OR1J2: variants seen among roughly 807,000 people sequenced by gnomAD.
The protein encoded by OR1J2 is olfactory receptor family 1 subfamily J member 2, also known as olfactory receptor 1J2.
For missense variants in OR1J2, 304 were observed against 246.1 expected (o/e 1.24, Z -1.57); for synonymous variants, 142 against 99.7 (o/e 1.42, Z -2.52).
the OR1J2 span, among the ~76,000 whole-genome samples, chr9:122,452,424 C>T: frequency 5.3e-4 from 81 of 152,224 alleles, 2 homozygotes; most frequent in South Asian, 0.016. Context: ...CCATAGTGTT[C>T]CCATAAACAT....
chr9:122,458,645 G>A, the OR1J2 span, among the ~76,000 whole-genome samples: 1 of 152,174 alleles, frequency 6.6e-6, no homozygotes, highest in South Asian at 2.1e-4. Flanking sequence ...GAACAGCATG[G>A]GAAAGACTCC....
the OR1J2 span, among the ~76,000 whole-genome samples, chr9:122,517,848 C>G: frequency 1.2e-4 from 19 of 152,266 alleles, no homozygotes; most frequent in African/African-American, 4.6e-4. Context: ...CATTCGTTAG[C>G]TCTTTTTCCT....
chr9:122,539,773 C>T, the OR1J2 span, among the ~76,000 whole-genome samples: 10 of 152,246 alleles, frequency 6.6e-5, no homozygotes, highest in African/African-American at 2.4e-4. Context: ...CTCTCCAGCA[C>T]CTGTTGTTTC....
At chr9:122,537,041 A>G in the OR1J2 span, among the ~76,000 whole-genome samples, 2 of 152,192 alleles carry the variant, frequency 1.3e-5, no homozygotes, top group Non-Finnish European at 2.9e-5. Flanking sequence ...TCAGACACCA[A>G]GTTGTAGAAG....
the OR1J2 span, among the ~76,000 whole-genome samples, chr9:122,496,352 G>T: frequency 6.6e-6 from 1 of 152,116 alleles, no homozygotes; most frequent in Non-Finnish European, 1.5e-5. Flanking sequence ...ACCAGGTGGG[G>T]GCAGGATGGA....
chr9:122,539,347 G>A, the OR1J2 span, among the ~76,000 whole-genome samples: 3 of 151,834 alleles, frequency 2.0e-5, no homozygotes, highest in Non-Finnish European at 4.4e-5. Context: ...TCCCACCTAT[G>A]AGTGAGAACA....
chr9:122,548,104 A>G, the OR1J2 span, among the ~76,000 whole-genome samples: 11 of 152,202 alleles, frequency 7.2e-5, no homozygotes, highest in African/African-American at 2.4e-4. Context: ...TGCTCAAAGC[A>G]GAAGTATACA....
chr9:122,512,042 AG>A (rs1828647803), downstream of OR1J2, among the ~76,000 whole-genome samples: 1 of 152,186 alleles, frequency 6.6e-6, no homozygotes, highest in South Asian at 2.1e-4. Flanking sequence ...AGATGTTTGG[AG>A]ACATATATAT....
At chr9:122,529,756 C>T in the OR1J2 span, among the ~76,000 whole-genome samples, 2 of 111,292 alleles carry the variant, frequency 1.8e-5, no homozygotes, top group Non-Finnish European at 3.4e-5. Context: ...GTGATGAGGT[C>T]TCTTTACTTA....
the OR1J2 span, chr9:122,526,209 C>G: frequency 1.1e-5 from 5 of 459,704 alleles, no homozygotes; most frequent in Non-Finnish European, 1.9e-5. Flanking sequence ...AAACTGTTAT[C>G]TCCATTTTAT....
the OR1J2 span, among the ~76,000 whole-genome samples, chr9:122,478,378 G>A: frequency 6.6e-6 from 1 of 152,184 alleles, no homozygotes; most frequent in East Asian, 1.9e-4. Context: ...TTCTTCTGTG[G>A]AAACAAAGCA....
chr9:122,469,988 C>A, the OR1J2 span, among the ~76,000 whole-genome samples: 2 of 152,206 alleles, frequency 1.3e-5, no homozygotes, highest in South Asian at 2.1e-4. Context: ...GGAAGCAGAG[C>A]ATAAAAGTTT....
chr9:122,452,190 A>G, the OR1J2 span, among the ~76,000 whole-genome samples: 2 of 152,036 alleles, frequency 1.3e-5, no homozygotes, highest in Admixed American at 6.6e-5. Flanking sequence ...AGGAATAAGT[A>G]TTAGAGTAAC....
chr9:122,532,309 A>T, the OR1J2 span, among the ~76,000 whole-genome samples: 1 of 152,174 alleles, frequency 6.6e-6, no homozygotes, highest in Non-Finnish European at 1.5e-5. Context: ...AGAGGTTCTA[A>T]CAGGCGGGCT....
chr9:122,559,014 A>T, the OR1J2 span, among the ~76,000 whole-genome samples: 2 of 152,082 alleles, frequency 1.3e-5, no homozygotes, highest in African/African-American at 4.8e-5. Context: ...GATAATTCAC[A>T]TATCCGTCAT....
At chr9:122,487,314 G>T in the OR1J2 span, among the ~76,000 whole-genome samples, 14 of 152,180 alleles carry the variant, frequency 9.2e-5, no homozygotes, top group East Asian at 2.7e-3. Flanking sequence ...AAAACTGTGA[G>T]AGAACATTTT....
At chr9:122,568,607 G>T in the OR1J2 span, 4 of 615,524 alleles carry the variant, frequency 6.5e-6, no homozygotes, top group African/African-American at 3.7e-5. Flanking sequence ...TGCTAATTGT[G>T]GGATGGCTTG....
At chr9:122,460,417 G>A in the OR1J2 span, among the ~76,000 whole-genome samples, 1 of 151,956 alleles carries the variant, frequency 6.6e-6, no homozygotes, top group African/African-American at 2.4e-5. Flanking sequence ...AAGATTGGTT[G>A]ACTGTAAATA....
At chr9:122,526,503 G>A in the OR1J2 span, 2 of 1,589,190 alleles carry the variant, frequency 1.3e-6, no homozygotes, top group South Asian at 2.3e-5. Context: ...CTCTTCAGAG[G>A]CAATGGAGGG....
Sources: allele counts gnomAD v4.1 joint callset (sites outside exome capture counted in the v4.1 genomes callset), GRCh38; gene constraint gnomAD v4.1.1; transcripts MANE v1.5; gene names NCBI Gene and HGNC (gene_info 2026-07-23, HGNC 2026-07-21).